Variants in ANXA8 observed in about 807,000 individuals in gnomAD.
ANXA8 encodes the protein annexin A8, also known as VAC-beta.
ANXA8 carries 9 observed loss-of-function variants against 26.8 expected under a neutral mutation model. The ratio of observed to expected loss-of-function variants is 0.34; its 90% CI spans 0.20 to 0.59. The LOEUF (loss-of-function observed/expected upper bound fraction) is 0.59, where lower values mean the gene tolerates loss of function less well. Among genes scored for constraint, ANXA8 ranks in the 20% least tolerant of loss-of-function variants. The probability of loss-of-function intolerance (pLI) is 0.84; values close to 1 mark genes in which losing one functional copy is unlikely to be tolerated. For missense variants in ANXA8, 83 were observed against 238.5 expected, an observed-to-expected ratio of 0.35 and a Z score of 4.29; for synonymous variants, 39 against 94.8, an observed-to-expected ratio of 0.41 and a Z score of 3.42.
the ANXA8 span, among the ~76,000 whole-genome samples, chr10:47,508,160 G>A: frequency 4.0e-5 from 4 of 99,864 alleles, no homozygotes; most frequent in African/African-American, 1.5e-4. Flanking sequence ...TGCCTCCCGG[G>A]TTCAAGAGAT....
At chr10:47,595,110 T>G in the ANXA8 span, among the ~76,000 whole-genome samples, 32 of 146,894 alleles carry the variant, frequency 2.2e-4, 3 homozygotes, top group African/African-American at 4.9e-4. Flanking sequence ...AGAGGTCTAT[T>G]TTTAGTACTC....
At chr10:47,733,205 CTTTCTTTCTTTCTT>C in the ANXA8 span, among the ~76,000 whole-genome samples, 116 of 78,668 alleles carry the variant, frequency 1.5e-3, 1 homozygote, top group African/African-American at 2.9e-3. Context: ...TTCTTTCTTT[CTTTCTTTCTTTCTT>C]TCTCTTTCTT....
the ANXA8 span, among the ~76,000 whole-genome samples, chr10:47,748,165 A>C: frequency 4.6e-5 from 7 of 151,660 alleles, no homozygotes; most frequent in African/African-American, 1.5e-4. Context: ...ATCCCCAAGC[A>C]GGATAAATAA....
chr10:47,947,710 C>T, the ANXA8 span, among the ~76,000 whole-genome samples: 1 of 150,676 alleles, frequency 6.6e-6, no homozygotes, highest in Non-Finnish European at 1.5e-5. Flanking sequence ...GAGGCTTCCC[C>T]AACCATGCTT....
the ANXA8 span, among the ~76,000 whole-genome samples, chr10:47,665,746 G>A: frequency 1.3e-5 from 2 of 151,018 alleles, no homozygotes; most frequent in African/African-American, 4.9e-5. Flanking sequence ...TGGCTCTTAG[G>A]AATAAATTGT....
the ANXA8 span, among the ~76,000 whole-genome samples, chr10:47,747,896 A>C: frequency 1.3e-5 from 2 of 151,920 alleles, no homozygotes; most frequent in Admixed American, 6.6e-5. Flanking sequence ...TTAACTACTT[A>C]GCATATGGGT....
At chr10:47,684,678 TG>T in the ANXA8 span, among the ~76,000 whole-genome samples, 1 of 151,812 alleles carries the variant, frequency 6.6e-6, no homozygotes, top group African/African-American at 2.4e-5. Flanking sequence ...TTCCACCTCC[TG>T]GGTTCAAGCG....
the ANXA8 span, chr10:47,985,952 T>C: frequency 3.3e-5 from 5 of 150,500 alleles, no homozygotes; most frequent in Admixed American, 6.6e-5. Context: ...TACCATTCCA[T>C]TGTATGGATT....
the ANXA8 span, among the ~76,000 whole-genome samples, chr10:47,644,938 C>G: frequency 2.6e-5 from 4 of 151,516 alleles, no homozygotes; most frequent in South Asian, 2.1e-4. Flanking sequence ...ATTCCATTAC[C>G]TAATCCATAT....
the ANXA8 span, chr10:47,589,651 T>C: frequency 4.5e-3 from 651 of 145,402 alleles, 3 homozygotes; most frequent in African/African-American, 0.018. Flanking sequence ...TGTGATTTTG[T>C]AGTCTGTGAT....
At chr10:47,564,185 C>A in the ANXA8 span, 1 of 511,506 alleles carries the variant, frequency 2.0e-6, no homozygotes, top group Admixed American at 3.6e-5. Context: ...CAGTGCGAGG[C>A]CACACTTGGG....
chr10:47,967,057 T>C, the ANXA8 span, among the ~76,000 whole-genome samples: 1 of 149,848 alleles, frequency 6.7e-6, no homozygotes, highest in South Asian at 2.1e-4. Context: ...GCTCAGGACA[T>C]CCATCTAAAT....
At chr10:47,580,776 AC>A in the ANXA8 span, among the ~76,000 whole-genome samples, 2 of 149,012 alleles carry the variant, frequency 1.3e-5, no homozygotes, top group African/African-American at 5.1e-5. Flanking sequence ...CAAAAACAAA[AC>A]AAACAAAAAA....
At chr10:47,740,970 A>G in the ANXA8 span, among the ~76,000 whole-genome samples, 1 of 151,866 alleles carries the variant, frequency 6.6e-6, no homozygotes, top group African/African-American at 2.4e-5. Context: ...CTCCGCAGCC[A>G]AAACGGAGGC....
At chr10:47,639,405 C>T in the ANXA8 span, among the ~76,000 whole-genome samples, 2 of 151,944 alleles carry the variant, frequency 1.3e-5, no homozygotes, top group Admixed American at 6.6e-5. Flanking sequence ...CTTCGCCTCC[C>T]GGGTTCACGC....
At chr10:47,675,141 G>A in the ANXA8 span, among the ~76,000 whole-genome samples, 10 of 143,992 alleles carry the variant, frequency 6.9e-5, no homozygotes, top group Admixed American at 4.9e-4. Flanking sequence ...TCAGCTGACA[G>A]AGCCAGAAAA....
At chr10:47,679,554 G>A in the ANXA8 span, among the ~76,000 whole-genome samples, 1 of 152,064 alleles carries the variant, frequency 6.6e-6, no homozygotes, top group Admixed American at 6.5e-5. Context: ...GGTCAAGGCT[G>A]CGGTAAGCCA....
the ANXA8 span, chr10:47,956,036 G>T: frequency 2.4e-5 from 1 of 41,222 alleles, no homozygotes; most frequent in Admixed American, 2.6e-4. Context: ...CCAGGGTCAG[G>T]ATTATCAATA....
chr10:47,970,945 C>A, the ANXA8 span, among the ~76,000 whole-genome samples: 1 of 151,308 alleles, frequency 6.6e-6, no homozygotes, highest in Non-Finnish European at 1.5e-5. Context: ...TGGAGTGACC[C>A]CCACCAGGAG....
Sources: allele counts gnomAD v4.1 joint callset (sites outside exome capture counted in the v4.1 genomes callset), GRCh38; gene constraint gnomAD v4.1.1; transcripts MANE v1.5; gene names NCBI Gene and HGNC (gene_info 2026-07-23, HGNC 2026-07-21).